The following BCL2L1 variants were observed in gnomAD, a reference collection of about 807,000 sequenced individuals.
The protein encoded by BCL2L1 is BCL2 like 1.
In BCL2L1, 1 loss-of-function variant was observed where a neutral mutation model predicts 18.7. The observed-to-expected ratio is 0.05, with a 90% confidence interval of 0.02 to 0.25. BCL2L1 has a LOEUF of 0.25. BCL2L1 is among the 10% of genes least tolerant of loss of function. The pLI, the probability that BCL2L1 is intolerant of heterozygous loss-of-function variation, is 1.00. For missense variants in BCL2L1, 207 were observed against 304.9 expected (o/e 0.68, Z 2.39); for synonymous variants, 103 against 122.7 (o/e 0.84, Z 1.06).
intron 2 of BCL2L1, among the ~76,000 whole-genome samples, chr20:31,673,544 A>T (rs2060708977): frequency 6.6e-6 from 1 of 151,796 alleles, no homozygotes; most frequent in Non-Finnish European, 1.5e-5. Flanking sequence ...GGTCTCAGCA[A>T]CTCAGGATGC....
rs1347606667 is a variant in BCL2L1, at chr20:31,695,322, A to T, written c.564+26333T>A. 2.0e-5 allele frequency among the ~76,000 whole-genome samples: 3 copies of T among 152,184 alleles called. No homozygotes were observed. In the East Asian group the frequency reaches 5.8e-4, roughly 29 times the overall value. ...TCCTCCATGCCTTTCCACTGCCCTT[A>T]AAGCAAGGTCCCATGTGGCCCTACA... On this transcript the variant is annotated intron_variant, in intron 2 of 2. Coordinates refer to ENST00000307677, the MANE Select transcript of BCL2L1 (RefSeq NM_138578.3).
At chr20:31,697,892 G>GTTTTTTT (rs199575410) in intron 2 of BCL2L1, among the ~76,000 whole-genome samples, 2 of 129,652 alleles carry the variant, frequency 1.5e-5, no homozygotes, top group African/African-American at 6.6e-5. Context: ...TGCTGTTGCT[G>GTTTTTTT]TTTTTTTTTT....
intron 2 of BCL2L1, among the ~76,000 whole-genome samples, chr20:31,696,800 A>G (rs1399862938): frequency 6.6e-6 from 1 of 152,128 alleles, no homozygotes; most frequent in African/African-American, 2.4e-5. Flanking sequence ...TCACACCTGT[A>G]ATCCTAGCAC....
upstream of BCL2L1, chr20:31,723,645 A>G (rs1006992650): frequency 2.3e-5 from 23 of 985,378 alleles, no homozygotes; most frequent in Non-Finnish European, 2.7e-5. Context: ...AGCGCAGCCA[A>G]TCAGCGAGCC....
At chr20:31,689,022 G>T (rs367703086) in intron 2 of BCL2L1, among the ~76,000 whole-genome samples, 1 of 151,710 alleles carries the variant, frequency 6.6e-6, no homozygotes, top group Non-Finnish European at 1.5e-5. Flanking sequence ...CCATGATGAG[G>T]TTCCTCTATC....
intron 2 of BCL2L1, among the ~76,000 whole-genome samples, chr20:31,693,923 TTC>T (rs1486799360): frequency 1.3e-5 from 2 of 152,186 alleles, no homozygotes; most frequent in African/African-American, 2.4e-5. Context: ...GCATTAGATA[TTC>T]TCTGTTGTAT....
chr20:31,712,921 T>TA (rs1735256494), intron 2 of BCL2L1, among the ~76,000 whole-genome samples: 1 of 152,156 alleles, frequency 6.6e-6, no homozygotes, highest in African/African-American at 2.4e-5. Context: ...TTCAACCTTC[T>TA]AGCTTCCTCC....
At position 31,666,048 on chromosome 20, in the gene BCL2L1, G is replaced by A. The variant is rs757599194; in HGVS notation, c.603C>T (p.Ala201=). 41 of 1,613,988 alleles carry A rather than the reference G, an allele frequency of 2.5e-5. No individual in the cohort carries two copies. The highest frequency in any genetic ancestry group is 1.8e-4 in the Admixed American group (11 of 59,986). ...FVELYGNNAA[A]ESRKGQERFN... ...AGCGTTCCTGGCCCTTTCGGCTCTC[G>A]GCTGCTGCATTGTTCCCATAGAGTT... Residue 201 remains alanine (A), a synonymous_variant, in exon 3 of 3, where the codon GCC becomes GCT. Transcript: ENST00000307677.
chr20:31,677,152 T>C (rs1318426207), intron 2 of BCL2L1, among the ~76,000 whole-genome samples: 2 of 151,664 alleles, frequency 1.3e-5, no homozygotes, highest in African/African-American at 2.4e-5. Context: ...ACCTCATCTG[T>C]AAAATGCGGA....
chr20:31,695,465 C>T lies in BCL2L1; in HGVS notation c.564+26190G>A, dbSNP rs1424002138. 2.6e-5 allele frequency among the ~76,000 whole-genome samples: 4 copies of T among 152,132 alleles called. No individual in the cohort carries two copies. In the East Asian group the frequency reaches 5.8e-4, roughly 22 times the overall value. On this transcript the variant is annotated intron_variant, in intron 2 of 2. Coordinates refer to ENST00000307677, the MANE Select transcript of BCL2L1 (RefSeq NM_138578.3). ...GTTGGAGAGTCTTTTTTTGTACTTG[C>T]TTTATTTTTTAATTTTTTTGAAACA...
chr20:31,707,672 G>T (rs1392888975), intron 2 of BCL2L1, among the ~76,000 whole-genome samples: 1 of 151,890 alleles, frequency 6.6e-6, no homozygotes, highest in African/African-American at 2.4e-5. Flanking sequence ...CAGCTACTCG[G>T]GAGGCTGAGG....
At chr20:31,677,544 T>C (rs776788826) in intron 2 of BCL2L1, among the ~76,000 whole-genome samples, 3 of 152,210 alleles carry the variant, frequency 2.0e-5, no homozygotes, top group Non-Finnish European at 2.9e-5. Context: ...GTAAAGGTCT[T>C]AGAATTGTGC....
chr20:31,673,578 A>C (rs538639851), intron 2 of BCL2L1, among the ~76,000 whole-genome samples: 2 of 151,836 alleles, frequency 1.3e-5, no homozygotes, highest in East Asian at 3.9e-4. Context: ...TGAGCCTGGG[A>C]GGTCAGGGCT....
Position 31,721,976 on chromosome 20 carries a change from G to C in BCL2L1, c.243C>G (p.Ile81Met). Residue 81 changes from isoleucine to methionine, a missense_variant, in exon 2 of 3, where the codon ATC (isoleucine) becomes ATG (methionine). Transcript: ENST00000307677. ...HSSSLDAREV[I>M]PMAAVKQALR... The stretch of plus-strand genomic sequence containing the variant: ...GCGCTTGCTTTACTGCTGCCATGGG[G>C]ATCACCTCCCGGGCATCCAAACTGC... 1.9e-6 allele frequency: 3 copies of C among 1,614,180 alleles called. No individual in the cohort carries two copies. Among genetic ancestry groups the C allele is most frequent in the East Asian group, 4.5e-5 (2 of 44,888 alleles).
chr20:31,675,872 A>T (rs1410595210), intron 2 of BCL2L1, among the ~76,000 whole-genome samples: 2 of 151,978 alleles, frequency 1.3e-5, no homozygotes, highest in Non-Finnish European at 2.9e-5. Context: ...CTCACAACAA[A>T]CTTCATGTTT....
intron 2 of BCL2L1, among the ~76,000 whole-genome samples, chr20:31,689,716 C>T (rs970694506): frequency 3.3e-5 from 5 of 152,094 alleles, no homozygotes; most frequent in South Asian, 2.1e-4. Context: ...GCTAACAAAA[C>T]GTTAAGAAAA....
At chr20:31,699,089 C>G (rs1048024536) in intron 2 of BCL2L1, among the ~76,000 whole-genome samples, 10 of 152,198 alleles carry the variant, frequency 6.6e-5, no homozygotes, top group African/African-American at 2.4e-4. Context: ...AAGAGGGAGT[C>G]GGGGAGGGCC....
At chr20:31,721,428 G>A in intron 2 of BCL2L1, 1 of 562,742 alleles carries the variant, frequency 1.8e-6, no homozygotes, top group Non-Finnish European at 3.1e-6. Context: ...GAATAGTGGA[G>A]TCATGGGGGT....
At chr20:31,666,385 G>C (rs2060588488) in intron 2 of BCL2L1, among the ~76,000 whole-genome samples, 1 of 152,148 alleles carries the variant, frequency 6.6e-6, no homozygotes, top group Non-Finnish European at 1.5e-5. Context: ...GGCAGGGTCA[G>C]GGAACTGATG....
Sources: gnomAD v4.1 joint callset for allele counts (sites outside exome capture counted in the v4.1 genomes callset) on GRCh38, gnomAD v4.1.1 for gene constraint, MANE v1.5 for transcripts, NCBI Gene and HGNC (gene_info 2026-07-23, HGNC 2026-07-21) for gene names.